The following VPS8 variants were observed in gnomAD, a reference collection of about 807,000 sequenced individuals.
The protein encoded by VPS8 is VPS8 subunit of CORVET complex, also known as vacuolar protein sorting-associated protein 8 homolog.
VPS8 carries 129 observed loss-of-function variants against 216.4 expected under a neutral mutation model. That is an observed-to-expected ratio of 0.60 (90% CI 0.52 to 0.69). The LOEUF (loss-of-function observed/expected upper bound fraction) is 0.69. Among genes scored for constraint, VPS8 ranks in the 30% least tolerant of loss-of-function variants. The pLI is 0.00. For missense variants in VPS8, 1,531 were observed against 1,683.5 expected (o/e 0.91, Z 1.59); for synonymous variants, 571 against 565.4 (o/e 1.01, Z -0.14).
At chr3:184,909,670 C>A (rs965204075) in intron 25 of VPS8, among the ~76,000 whole-genome samples, 13 of 152,100 alleles carry the variant, frequency 8.5e-5, no homozygotes, top group Non-Finnish European at 1.5e-5. Flanking sequence ...GCACTGAAAC[C>A]ATTTCTTTTG....
At chr3:184,917,583 C>T (rs1361528525) in intron 28 of VPS8, among the ~76,000 whole-genome samples, 1 of 152,098 alleles carries the variant, frequency 6.6e-6, no homozygotes, top group Non-Finnish European at 1.5e-5. Flanking sequence ...CACACATCAC[C>T]ACACTTGGCT....
At position 184,982,766 on chromosome 3, in the gene VPS8, A is replaced by T. The variant is rs1750427248; in HGVS notation, c.3502+119A>T. On this transcript the variant is annotated intron_variant, in intron 41 of 47. Coordinates refer to ENST00000625842, the MANE Select transcript of VPS8 (RefSeq NM_001009921.3). ...AGCATATTCTTATGATTTTTCCTTA[A>T]TGAAACCATATAGTATGGTTGATCT... The T allele has an allele frequency of 2.2e-5, 19 of 852,566 alleles. No individual in the cohort carries two copies. The South Asian group carries it at 3.8e-4, about 17-fold the overall frequency. 52.8% of individuals were successfully genotyped at this position (852,566 alleles called of 1,614,324 possible). A position where few individuals can be genotyped will look rare whatever the true frequency, so the allele number is the denominator to read the frequency against.
intron 37 of VPS8, 71 bp downstream of exon 37, chr3:184,957,592 G>C (rs933154035): frequency 1.4e-5 from 21 of 1,450,838 alleles, no homozygotes; most frequent in Middle Eastern, 1.8e-4. Context: ...GATGATCAAA[G>C]ACAAGGGGAA....
chr3:184,882,249 T>C (rs1380420842), intron 21 of VPS8: 1 of 384,626 alleles, frequency 2.6e-6, no homozygotes, highest in Non-Finnish European at 5.1e-6. Context: ...AGTTCCCCTC[T>C]ATTACAGTTT....
intron 25 of VPS8, among the ~76,000 whole-genome samples, chr3:184,906,695 A>G (rs906268943): frequency 6.6e-5 from 10 of 152,194 alleles, no homozygotes; most frequent in Non-Finnish European, 1.5e-4. Context: ...CCTGGGAGAC[A>G]GAAGTTAACT....
intron 46 of VPS8, among the ~76,000 whole-genome samples, chr3:185,031,091 T>TTA (rs1758097347): frequency 6.9e-6 from 1 of 144,562 alleles, no homozygotes. Context: ...TTTTTTTTTT[T>TTA]AAGGGAAAAA....
intron 1 of VPS8, among the ~76,000 whole-genome samples, chr3:184,821,347 T>C (rs975927357): frequency 3.1e-5 from 4 of 128,070 alleles, no homozygotes; most frequent in East Asian, 2.0e-4. Context: ...TCTTCTCTAC[T>C]TTTTTTTTTT....
chr3:184,999,847 A>C lies in VPS8; in HGVS notation c.3988A>C (p.Ile1330Leu). 1 of 1,611,076 alleles carries C rather than the reference A, an allele frequency of 6.2e-7. No individual in the cohort carries two copies. The highest frequency in any genetic ancestry group is 8.5e-7 in the Non-Finnish European group (1 of 1,178,820). The change falls in exon 45 of 48, where the codon ATA (isoleucine) becomes CTA (leucine). Residue 1330 changes from isoleucine to leucine, a missense_variant. Coordinates refer to ENST00000625842, the MANE Select transcript of VPS8 (RefSeq NM_001009921.3). Reference protein sequence around the residue: ...ENSSEIKKGRITPSQVKMSPS... With the variant: ...ENSSEIKKGRLTPSQVKMSPS... ...TTCATCTGAAATTAAAAAGGGAAGG[A>C]TAACCCCATCACAGGTAAGACTTGT...
intron 45 of VPS8, among the ~76,000 whole-genome samples, chr3:185,002,898 T>C (rs1317347771): frequency 2.6e-5 from 4 of 152,340 alleles, no homozygotes; most frequent in African/African-American, 9.6e-5. Context: ...CAAATTGTGC[T>C]GCTATAAACA....
At chr3:184,923,396 CCT>C (rs1335868633) in intron 29 of VPS8, among the ~76,000 whole-genome samples, 1 of 152,188 alleles carries the variant, frequency 6.6e-6, no homozygotes, top group Non-Finnish European at 1.5e-5. Context: ...TCCTGTCCCC[CCT>C]GTCTCTGCCT....
chr3:184,906,652 G>T (rs1735552047), intron 25 of VPS8, among the ~76,000 whole-genome samples: 1 of 152,096 alleles, frequency 6.6e-6, no homozygotes, highest in South Asian at 2.1e-4. Flanking sequence ...TTCTTTTAAG[G>T]GGTCGTAAAT....
intron 36 of VPS8, among the ~76,000 whole-genome samples, chr3:184,951,507 T>TA (rs1315475366): frequency 1.3e-5 from 2 of 151,930 alleles, no homozygotes; most frequent in Admixed American, 1.3e-4. Flanking sequence ...GAATTTGATG[T>TA]ATGTTTTTCA....
chr3:185,013,468 T>C (rs1215715474), intron 45 of VPS8, among the ~76,000 whole-genome samples: 2 of 152,248 alleles, frequency 1.3e-5, no homozygotes, highest in East Asian at 3.9e-4. Context: ...AATGGGTTAC[T>C]AGCTGCTAAT....
At chr3:184,878,900 G>A (rs1026781836) in intron 21 of VPS8, among the ~76,000 whole-genome samples, 17 of 152,258 alleles carry the variant, frequency 1.1e-4, no homozygotes, top group African/African-American at 3.9e-4. Flanking sequence ...GTGTATATCT[G>A]TGTGTAGATA....
At chr3:184,902,897 T>C (rs1002466530) in intron 25 of VPS8, among the ~76,000 whole-genome samples, 1 of 152,142 alleles carries the variant, frequency 6.6e-6, no homozygotes, top group African/African-American at 2.4e-5. Context: ...CATTTTCTTA[T>C]AGAAATTTAA....
chr3:184,915,110 G>A lies in VPS8; in HGVS notation c.2262+57G>A, dbSNP rs1331173613. ...TCTCCGTCTCTGGTTAAGACGCACT[G>A]AAGACAAATTGCAGTTGAGGCTTAC... On this transcript the variant is annotated intron_variant, in intron 27 of 47. Coordinates refer to ENST00000625842, the MANE Select transcript of VPS8 (RefSeq NM_001009921.3). 4 of 1,579,332 alleles carry A rather than the reference G, an allele frequency of 2.5e-6. No individual in the cohort carries two copies. The East Asian group carries it at 9.0e-5, about 35-fold the overall frequency.
At chr3:184,836,204 C>T (rs1003873398) in intron 5 of VPS8, 1 of 452,652 alleles carries the variant, frequency 2.2e-6, no homozygotes. Flanking sequence ...GAGAGATGCT[C>T]AAGCAATAGA....
At chr3:184,967,112 G>A (rs758739653) in intron 39 of VPS8, among the ~76,000 whole-genome samples, 2 of 152,132 alleles carry the variant, frequency 1.3e-5, no homozygotes, top group Middle Eastern at 3.4e-3. Context: ...GACTACAGGC[G>A]TATGCCATCA....
intron 22 of VPS8, among the ~76,000 whole-genome samples, chr3:184,886,457 A>ATG (rs1731245532): frequency 7.1e-6 from 1 of 140,488 alleles, no homozygotes; most frequent in Admixed American, 7.6e-5. Context: ...GATTCATTAT[A>ATG]TGTATATATA....
Sources: gnomAD v4.1 joint callset for allele counts (sites outside exome capture counted in the v4.1 genomes callset) on GRCh38, gnomAD v4.1.1 for gene constraint, MANE v1.5 for transcripts, NCBI Gene and HGNC (gene_info 2026-07-23, HGNC 2026-07-21) for gene names.